PRELID2: variants seen among roughly 807,000 people sequenced by gnomAD.
PRELID2 encodes PRELI domain containing 2, also known as PRELI domain-containing protein 2.
PRELID2 carries 25 observed loss-of-function variants against 28.4 expected under a neutral mutation model. That is an observed-to-expected ratio of 0.88 (90% CI 0.64 to 1.23). The LOEUF is 1.23. PRELID2 is among the 50% of genes most tolerant of loss of function. The pLI is 0.00. For synonymous variants in PRELID2, 76 were observed against 71.6 expected, an observed-to-expected ratio of 1.06 and a Z score of -0.31; for missense variants, 201 against 214.4, an observed-to-expected ratio of 0.94 and a Z score of 0.39.
chr5:145,437,590 G>A, the PRELID2 span, among the ~76,000 whole-genome samples: 1 of 152,176 alleles, frequency 6.6e-6, no homozygotes, highest in East Asian at 1.9e-4. Context: ...TTTCGTGGGA[G>A]GGATCTTACT....
the PRELID2 span, among the ~76,000 whole-genome samples, chr5:145,329,899 T>C: frequency 1.3e-5 from 2 of 152,236 alleles, no homozygotes; most frequent in East Asian, 3.9e-4. Flanking sequence ...TCATTCAGTA[T>C]GATATTGGCT....
intron 1 of PRELID2, among the ~76,000 whole-genome samples, chr5:145,491,270 G>C (rs936312499): frequency 1.3e-5 from 2 of 152,148 alleles, no homozygotes; most frequent in Non-Finnish European, 2.9e-5. Context: ...CTTTCTCATA[G>C]ATGGTGTGTT....
chr5:145,716,078 TATTGGTAGTATTA>T (rs963746451), intron 1 of PRELID2, among the ~76,000 whole-genome samples: 1 of 152,112 alleles, frequency 6.6e-6, no homozygotes, highest in African/African-American at 2.4e-5. Context: ...GCTCATCAGC[TATTGGTAGTATTA>T]ATGTACTTTA....
chr5:145,247,820 G>T, the PRELID2 span, among the ~76,000 whole-genome samples: 1 of 152,116 alleles, frequency 6.6e-6, no homozygotes, highest in African/African-American at 2.4e-5. Context: ...TCCTGTCTCT[G>T]AGACATCCTA....
At chr5:145,539,939 C>T (rs2126670460) in intron 1 of PRELID2, among the ~76,000 whole-genome samples, 1 of 151,642 alleles carries the variant, frequency 6.6e-6, no homozygotes, top group South Asian at 2.1e-4. Flanking sequence ...CAAAATGTGC[C>T]TCTAAGTAAT....
chr5:145,438,645 A>G, the PRELID2 span, among the ~76,000 whole-genome samples: 2 of 152,166 alleles, frequency 1.3e-5, no homozygotes, highest in Non-Finnish European at 2.9e-5. Flanking sequence ...AATAAAATAA[A>G]TAGCACAAAC....
At chr5:145,729,191 G>T in intron 1 of PRELID2, 1 of 706,316 alleles carries the variant, frequency 1.4e-6, no homozygotes, top group East Asian at 2.7e-5. Flanking sequence ...TATCAGTGAT[G>T]CTCTGGGTTT....
the PRELID2 span, among the ~76,000 whole-genome samples, chr5:145,427,499 G>A: frequency 2.0e-4 from 31 of 152,262 alleles, no homozygotes; most frequent in East Asian, 4.2e-3. Flanking sequence ...AGTGGAGAGC[G>A]CAGAATCAGT....
At chr5:145,774,801 A>T (rs1311426320) in intron 5 of PRELID2, among the ~76,000 whole-genome samples, 2 of 152,228 alleles carry the variant, frequency 1.3e-5, no homozygotes, top group Non-Finnish European at 2.9e-5. Flanking sequence ...ACTAATTAGC[A>T]AGCAAGCTAA....
chr5:145,733,908 C>T (rs1235419719), intron 1 of PRELID2, among the ~76,000 whole-genome samples: 2 of 152,068 alleles, frequency 1.3e-5, no homozygotes, highest in Admixed American at 1.3e-4. Flanking sequence ...CTAGATTATC[C>T]AGCAGGCCCA....
intron 1 of PRELID2, among the ~76,000 whole-genome samples, chr5:145,833,763 T>G (rs1050819418): frequency 1.1e-4 from 17 of 152,340 alleles, no homozygotes; most frequent in East Asian, 3.9e-4. Flanking sequence ...CTCCCTTAGT[T>G]TGGCTTCCGG....
the PRELID2 span, among the ~76,000 whole-genome samples, chr5:145,433,316 C>CAGGTG: frequency 1.3e-5 from 2 of 152,162 alleles, no homozygotes; most frequent in African/African-American, 4.8e-5. Flanking sequence ...AGGTGCGCTG[C>CAGGTG]AGGTGATTAA....
chr5:145,489,462 C>T (rs1316749216), intron 1 of PRELID2, among the ~76,000 whole-genome samples: 1 of 152,116 alleles, frequency 6.6e-6, no homozygotes, highest in African/African-American at 2.4e-5. Context: ...TAGTTGGGTA[C>T]TAAGTTTGTC....
At chr5:145,349,545 A>G in the PRELID2 span, among the ~76,000 whole-genome samples, 1 of 152,128 alleles carries the variant, frequency 6.6e-6, no homozygotes, top group Non-Finnish European at 1.5e-5. Flanking sequence ...TCTTGAAACC[A>G]TGAAGAGACA....
intron 1 of PRELID2, among the ~76,000 whole-genome samples, chr5:145,686,641 T>C (rs1403587712): frequency 6.6e-6 from 1 of 152,204 alleles, no homozygotes; most frequent in Non-Finnish European, 1.5e-5. Flanking sequence ...AATTTTAAAA[T>C]GTACTTGTGG....
At chr5:145,356,850 A>G in the PRELID2 span, among the ~76,000 whole-genome samples, 3 of 152,142 alleles carry the variant, frequency 2.0e-5, no homozygotes, top group African/African-American at 4.8e-5. Flanking sequence ...TAGAGTGTCA[A>G]TGTATGTTTT....
At chr5:145,551,519 A>G (rs1328964374) in intron 1 of PRELID2, among the ~76,000 whole-genome samples, 1 of 152,228 alleles carries the variant, frequency 6.6e-6, no homozygotes, top group Non-Finnish European at 1.5e-5. Context: ...TGGCAACCCA[A>G]TCACAAGTGA....
intron 1 of PRELID2, among the ~76,000 whole-genome samples, chr5:145,612,828 A>G (rs537140599): frequency 4.6e-5 from 7 of 152,346 alleles, no homozygotes; most frequent in African/African-American, 1.7e-4. Flanking sequence ...AATCATAAAT[A>G]CATACCACAG....
At chr5:145,543,187 T>A (rs1293943610) in intron 1 of PRELID2, among the ~76,000 whole-genome samples, 1 of 152,126 alleles carries the variant, frequency 6.6e-6, no homozygotes, top group African/African-American at 2.4e-5. Flanking sequence ...ATTTGAATAA[T>A]ACCTGATTCT....
Sources: gnomAD v4.1 joint callset for allele counts (sites outside exome capture counted in the v4.1 genomes callset) on GRCh38, gnomAD v4.1.1 for gene constraint, MANE v1.5 for transcripts, NCBI Gene and HGNC (gene_info 2026-07-23, HGNC 2026-07-21) for gene names.